ARB2A: variants seen among roughly 807,000 people sequenced by gnomAD.
ARB2A encodes the protein ARB2 cotranscriptional regulator A, also known as cotranscriptional regulator ARB2A.
At chr5:94,087,099 T>C in the ARB2A span, among the ~76,000 whole-genome samples, 3 of 152,110 alleles carry the variant, frequency 2.0e-5, no homozygotes, top group African/African-American at 2.4e-5. Flanking sequence ...CCTGGGCTAA[T>C]ACGTATGTTT....
At chr5:93,788,227 T>C in the ARB2A span, among the ~76,000 whole-genome samples, 1 of 152,180 alleles carries the variant, frequency 6.6e-6, no homozygotes, top group Non-Finnish European at 1.5e-5. Context: ...CTGTTTATCA[T>C]TATTTTTTCT....
the ARB2A span, chr5:93,741,111 C>T: frequency 6.2e-7 from 1 of 1,613,926 alleles, no homozygotes; most frequent in South Asian, 1.1e-5. Context: ...ACAGAGCTCC[C>T]ACAGCGATCC....
chr5:93,990,409 C>T, the ARB2A span, among the ~76,000 whole-genome samples: 1 of 151,870 alleles, frequency 6.6e-6, no homozygotes, highest in Non-Finnish European at 1.5e-5. Flanking sequence ...TACCTTTACA[C>T]ATGGAGAGTT....
At chr5:93,755,720 C>T in the ARB2A span, among the ~76,000 whole-genome samples, 10 of 152,210 alleles carry the variant, frequency 6.6e-5, no homozygotes, top group African/African-American at 2.2e-4. Flanking sequence ...GCAGCAGAAA[C>T]GCGCTGGGAG....
At chr5:93,973,239 C>T in the ARB2A span, among the ~76,000 whole-genome samples, 2 of 151,768 alleles carry the variant, frequency 1.3e-5, no homozygotes, top group African/African-American at 2.4e-5. Context: ...TAGTTCTAGG[C>T]GTGAGCCACT....
At chr5:93,681,758 C>G in the ARB2A span, among the ~76,000 whole-genome samples, 1 of 152,014 alleles carries the variant, frequency 6.6e-6, no homozygotes, top group Non-Finnish European at 1.5e-5. Context: ...TTCTTTTGTA[C>G]TTAATAGTGT....
At chr5:93,989,856 T>C in the ARB2A span, among the ~76,000 whole-genome samples, 3 of 152,144 alleles carry the variant, frequency 2.0e-5, no homozygotes, top group South Asian at 2.1e-4. Flanking sequence ...ATCATCATTA[T>C]GTTAGGCCTC....
chr5:93,636,130 A>G, the ARB2A span, among the ~76,000 whole-genome samples: 2 of 152,238 alleles, frequency 1.3e-5, no homozygotes, highest in African/African-American at 4.8e-5. Context: ...TTCTGTATGC[A>G]CAGCATAATT....
chr5:94,051,583 T>C, the ARB2A span, among the ~76,000 whole-genome samples: 1 of 152,180 alleles, frequency 6.6e-6, no homozygotes. Flanking sequence ...TTTCCTCTCA[T>C]TGGATAGCAC....
chr5:93,856,476 C>T, the ARB2A span, among the ~76,000 whole-genome samples: 12 of 152,118 alleles, frequency 7.9e-5, no homozygotes, highest in East Asian at 1.9e-4. Context: ...AGGCTTTGTT[C>T]GTTTCTTTTT....
At chr5:93,901,843 G>C in the ARB2A span, among the ~76,000 whole-genome samples, 1 of 152,072 alleles carries the variant, frequency 6.6e-6, no homozygotes, top group East Asian at 1.9e-4. Flanking sequence ...TTCCCAACGA[G>C]CAGGACTTTT....
the ARB2A span, among the ~76,000 whole-genome samples, chr5:94,053,555 T>C: frequency 6.6e-6 from 1 of 152,176 alleles, no homozygotes; most frequent in Non-Finnish European, 1.5e-5. Flanking sequence ...ATATGACTTT[T>C]CAAAAGTCAT....
At chr5:93,948,661 T>C in the ARB2A span, among the ~76,000 whole-genome samples, 1 of 152,210 alleles carries the variant, frequency 6.6e-6, no homozygotes. Context: ...TTTAAGTCTT[T>C]AATCCATCTT....
the ARB2A span, among the ~76,000 whole-genome samples, chr5:93,921,174 A>AG: frequency 6.6e-6 from 1 of 151,880 alleles, no homozygotes; most frequent in South Asian, 2.1e-4. Context: ...AAAAAAAAAA[A>AG]AAAGGAAATT....
chr5:94,012,142 C>T, the ARB2A span, among the ~76,000 whole-genome samples: 9 of 152,114 alleles, frequency 5.9e-5, no homozygotes, highest in African/African-American at 2.2e-4. Flanking sequence ...GTGGCTCACG[C>T]CTGTAATCCC....
the ARB2A span, among the ~76,000 whole-genome samples, chr5:93,717,124 T>C: frequency 1.3e-5 from 2 of 152,182 alleles, no homozygotes; most frequent in Non-Finnish European, 2.9e-5. Context: ...ATGTGAAATA[T>C]ATGATGAGAT....
At chr5:94,017,247 G>A in the ARB2A span, among the ~76,000 whole-genome samples, 3 of 152,292 alleles carry the variant, frequency 2.0e-5, no homozygotes, top group Non-Finnish European at 4.4e-5. Flanking sequence ...CATATTTGAA[G>A]GATAGCTTGG....
At chr5:93,938,915 G>A in the ARB2A span, among the ~76,000 whole-genome samples, 3 of 152,128 alleles carry the variant, frequency 2.0e-5, no homozygotes, top group African/African-American at 2.4e-5. Flanking sequence ...ACAATACCAA[G>A]TAATTGTGCC....
chr5:93,641,187 G>A, the ARB2A span, among the ~76,000 whole-genome samples: 4 of 149,212 alleles, frequency 2.7e-5, no homozygotes, highest in Admixed American at 6.7e-5. Context: ...GTGACAGAGG[G>A]AGATTCTGAC....
Sources: allele counts gnomAD v4.1 joint callset (sites outside exome capture counted in the v4.1 genomes callset), GRCh38; gene constraint gnomAD v4.1.1; transcripts MANE v1.5; gene names NCBI Gene and HGNC (gene_info 2026-07-23, HGNC 2026-07-21).